SORD: variants seen among roughly 807,000 people sequenced by gnomAD.
SORD encodes the protein (R,R)-butanediol dehydrogenase.
SORD carries 18 observed loss-of-function variants against 35.6 expected under a neutral mutation model. That is an observed-to-expected ratio of 0.51 (90% CI 0.35 to 0.75). SORD has a LOEUF of 0.75. Ranked by LOEUF, SORD falls within the 30% of genes least tolerant of loss-of-function variation. The pLI is 0.01. For missense variants in SORD, 250 were observed against 390.2 expected (o/e 0.64, Z 3.03); for synonymous variants, 106 against 152.9 (o/e 0.69, Z 2.26).
chr15:45,045,531 C>A (rs1164353905), intron 3 of SORD, among the ~76,000 whole-genome samples: 8 of 97,482 alleles, frequency 8.2e-5, no homozygotes, highest in African/African-American at 3.6e-4. Flanking sequence ...AGAGACAGAG[C>A]AAGACTCCAT....
intron 1 of SORD, among the ~76,000 whole-genome samples, chr15:45,031,826 T>TAA: frequency 7.2e-6 from 1 of 139,274 alleles, no homozygotes; most frequent in Non-Finnish European, 1.6e-5. Context: ...CAGTCCTACA[T>TAA]ACATATGCTT....
At chr15:45,030,131 C>A (rs76254669) in intron 1 of SORD, among the ~76,000 whole-genome samples, 31,130 of 150,900 alleles carry the variant, frequency 0.21, no homozygotes, top group African/African-American at 0.44. Flanking sequence ...CTTGGCTTTC[C>A]GGCTTTAAAC....
intron 1 of SORD, among the ~76,000 whole-genome samples, chr15:45,026,062 C>T (rs1283964240): frequency 6.6e-6 from 1 of 152,204 alleles, no homozygotes; most frequent in African/African-American, 2.4e-5. Context: ...AGAGGAGACC[C>T]ACTGTGCTGC....
chr15:45,056,262 T>A (rs1426460290), intron 3 of SORD, among the ~76,000 whole-genome samples: 1 of 152,040 alleles, frequency 6.6e-6, no homozygotes, highest in African/African-American at 2.4e-5. Flanking sequence ...GCCCAAAATC[T>A]CCTTAAGCTG....
rs546679808 is a variant in SORD, at chr15:45,036,323, C to A, written c.67-4085C>A. Reference sequence around the variant, plus strand: ...TATTTCTGACTTGAAGTGAAATATTCTGGAAAACTCACACAACTATGGTAA... The same window carrying A: ...TATTTCTGACTTGAAGTGAAATATTATGGAAAACTCACACAACTATGGTAA... On this transcript the variant is annotated intron_variant, in intron 1 of 8. Transcript: ENST00000267814. 5.9e-5 allele frequency: 27 copies of A among 455,968 alleles called. No homozygotes were observed. The East Asian group carries it at 1.9e-3, about 32-fold the overall frequency. The allele number at this position is 455,968 out of a possible 1,614,324, so 28.2% of individuals were successfully genotyped here.
intron 4 of SORD, among the ~76,000 whole-genome samples, chr15:45,062,068 A>G (rs375672469): frequency 6.6e-6 from 1 of 152,156 alleles, no homozygotes; most frequent in East Asian, 1.9e-4. Flanking sequence ...AATATTAAAT[A>G]AGGTGATGCA....
At chr15:45,025,028 T>G (rs1892648658) in intron 1 of SORD, among the ~76,000 whole-genome samples, 1 of 152,224 alleles carries the variant, frequency 6.6e-6, no homozygotes, top group Admixed American at 6.5e-5. Context: ...CTACCTCTAC[T>G]ATGGTTCCGT....
chr15:45,025,745 G>C (rs904538285), intron 1 of SORD, among the ~76,000 whole-genome samples: 8 of 152,120 alleles, frequency 5.3e-5, no homozygotes, highest in African/African-American at 1.9e-4. Flanking sequence ...GTAAACTCAG[G>C]AGTCCTTTGC....
At chr15:45,065,818 G>A (rs1242635532) in intron 5 of SORD, among the ~76,000 whole-genome samples, 3 of 152,102 alleles carry the variant, frequency 2.0e-5, no homozygotes, top group African/African-American at 7.2e-5. Context: ...TACTCAGAAG[G>A]CTGAGGTGGG....
chr15:45,023,216 G>A lies in SORD; in HGVS notation c.-68G>A. On this transcript the variant is annotated 5_prime_UTR_variant, in exon 1 of 9. Coordinates refer to ENST00000267814, the MANE Select transcript of SORD (RefSeq NM_003104.6). ...ATCCAGTGCCCTGGACCCTCGGCTGGGTAGCGCCACCAGAGCGACCAAACG... is the reference window on the plus strand; with the variant it reads ...ATCCAGTGCCCTGGACCCTCGGCTGAGTAGCGCCACCAGAGCGACCAAACG... 1 of 1,380,652 alleles carries A rather than the reference G, an allele frequency of 7.2e-7. No individual in the cohort carries two copies. The highest frequency in any genetic ancestry group is 9.7e-7 in the Non-Finnish European group (1 of 1,032,876). 85.5% of individuals were successfully genotyped at this position (1,380,652 alleles called of 1,614,324 possible).
intron 1 of SORD, among the ~76,000 whole-genome samples, chr15:45,037,604 C>A (rs987802040): frequency 4.6e-5 from 7 of 152,134 alleles, no homozygotes; most frequent in African/African-American, 1.7e-4. Flanking sequence ...TAACATTTCA[C>A]GCAGTATAAT....
chr15:45,056,370 T>A (rs1402530234), intron 3 of SORD, among the ~76,000 whole-genome samples: 2 of 152,012 alleles, frequency 1.3e-5, no homozygotes, highest in African/African-American at 4.8e-5. Context: ...AAATCATGAG[T>A]GAACTCCCAT....
chr15:45,030,804 C>T (rs890047813), intron 1 of SORD, among the ~76,000 whole-genome samples: 2 of 152,222 alleles, frequency 1.3e-5, no homozygotes, highest in African/African-American at 4.8e-5. Flanking sequence ...AAAGGAGTCA[C>T]CTCTCCAGCC....
At chr15:45,036,417 C>A in intron 1 of SORD, 1 of 451,790 alleles carries the variant, frequency 2.2e-6, no homozygotes, top group Non-Finnish European at 4.4e-6. Context: ...TTCGGCCAGG[C>A]ACAGTGGCTC....
At chr15:45,066,576 T>C (rs549803582) in intron 5 of SORD, among the ~76,000 whole-genome samples, 1 of 152,172 alleles carries the variant, frequency 6.6e-6, no homozygotes, top group African/African-American at 2.4e-5. Context: ...CTGCCTGCAG[T>C]AGGGCTGTAG....
chr15:45,040,321 G>T, intron 1 of SORD, 87 bp from the exon 2 acceptor site: 1 of 896,916 alleles, frequency 1.1e-6, no homozygotes, highest in Non-Finnish European at 1.8e-6. Flanking sequence ...AACTATTGAT[G>T]AAACTCTAAT....
chr15:45,051,042 A>G (rs1893115786), intron 3 of SORD, among the ~76,000 whole-genome samples: 1 of 152,252 alleles, frequency 6.6e-6, no homozygotes, highest in Non-Finnish European at 1.5e-5. Context: ...CTCCAAGGTT[A>G]TCAGAAACCT....
intron 5 of SORD, 29 bp downstream of exon 5, chr15:45,065,418 G>A (rs749854598): frequency 7.6e-6 from 12 of 1,574,174 alleles, no homozygotes; most frequent in Non-Finnish European, 1.0e-5. Context: ...CCTGTTGCGG[G>A]TTCATTGACT....
At chr15:45,028,383 C>G (rs1719534883) in intron 1 of SORD, among the ~76,000 whole-genome samples, 1 of 152,226 alleles carries the variant, frequency 6.6e-6, no homozygotes, top group African/African-American at 2.4e-5. Flanking sequence ...CTCTCAATTT[C>G]TGTACATTGC....
Sources: gnomAD v4.1 joint callset for allele counts (sites outside exome capture counted in the v4.1 genomes callset) on GRCh38, gnomAD v4.1.1 for gene constraint, MANE v1.5 for transcripts, NCBI Gene and HGNC (gene_info 2026-07-23, HGNC 2026-07-21) for gene names.